The following MCC variants were observed in gnomAD, a reference collection of about 807,000 sequenced individuals.
The protein encoded by MCC is MCC regulator of Wnt signaling pathway, also known as colorectal mutant cancer protein.
In MCC, 90 loss-of-function variants were observed where a neutral mutation model predicts 116.2. That is an observed-to-expected ratio of 0.77 (90% CI 0.65 to 0.92). The LOEUF (loss-of-function observed/expected upper bound fraction) is 0.92. Among genes scored for constraint, MCC ranks in the 40% least tolerant of loss-of-function variants. The pLI is 0.00. For synonymous variants in MCC, 578 were observed against 510.5 expected (o/e 1.13, Z -1.78); for missense variants, 1,516 against 1,312.2 (o/e 1.16, Z -2.40).
At chr5:113,251,621 G>A (rs1156548048) in intron 3 of MCC, among the ~76,000 whole-genome samples, 1 of 152,200 alleles carries the variant, frequency 6.6e-6, no homozygotes, top group Non-Finnish European at 1.5e-5. Context: ...CATTACCACA[G>A]TGAGGAAGAC....
intron 1 of MCC, among the ~76,000 whole-genome samples, chr5:113,403,322 T>C (rs1769744603): frequency 6.6e-6 from 1 of 152,146 alleles, no homozygotes; most frequent in African/African-American, 2.4e-5. Context: ...TCAGTATTCG[T>C]AAACACTGTA....
chr5:113,136,731 A>AAG (rs1425288053), intron 5 of MCC, among the ~76,000 whole-genome samples: 2 of 152,124 alleles, frequency 1.3e-5, no homozygotes, highest in African/African-American at 2.4e-5. Context: ...TCAGTTCTAG[A>AAG]AGTTTTTTGT....
intron 2 of MCC, among the ~76,000 whole-genome samples, chr5:113,371,917 C>T (rs955755286): frequency 2.0e-5 from 3 of 152,212 alleles, no homozygotes; most frequent in Admixed American, 2.0e-4. Flanking sequence ...TTTCTGTAAG[C>T]AGACTGAGCC....
intron 3 of MCC, among the ~76,000 whole-genome samples, chr5:113,263,069 A>G (rs1372882154): frequency 6.6e-6 from 1 of 152,208 alleles, no homozygotes; most frequent in Non-Finnish European, 1.5e-5. Flanking sequence ...CTGGCAGAGA[A>G]AGGCTGATAA....
At position 113,024,058 on chromosome 5, in the gene MCC, C is replaced by T. The variant is rs574933805; in HGVS notation, c.*3244G>A. 10 of 152,274 alleles carry T rather than the reference C, an allele frequency of 6.6e-5. No individual in the cohort carries two copies. Among genetic ancestry groups the T allele is most frequent in the African/African-American group, 2.2e-4 (9 of 41,536 alleles). The allele number at this position is 152,274 out of a possible 1,614,324, so 9.4% of individuals were successfully genotyped here. On this transcript the variant is annotated 3_prime_UTR_variant, in exon 19 of 19. Coordinates refer to ENST00000408903, the MANE Select transcript of MCC (RefSeq NM_001085377.2). Reference sequence around the variant, plus strand: ...TAGAGTGGTAACTTTCTTTACTACTCCTTAACAGCTTTTAAGAAAAAGCCT... The same window carrying T: ...TAGAGTGGTAACTTTCTTTACTACTTCTTAACAGCTTTTAAGAAAAAGCCT...
intron 3 of MCC, among the ~76,000 whole-genome samples, chr5:113,169,363 C>G (rs1239239959): frequency 6.6e-6 from 1 of 152,166 alleles, no homozygotes; most frequent in Non-Finnish European, 1.5e-5. Context: ...AGACTTTCCT[C>G]TGCAGGACCA....
At chr5:113,288,749 T>C (rs1766358339) in intron 3 of MCC, among the ~76,000 whole-genome samples, 1 of 152,224 alleles carries the variant, frequency 6.6e-6, no homozygotes, top group Non-Finnish European at 1.5e-5. Flanking sequence ...AATGTACACA[T>C]GGATTCCTCT....
intron 2 of MCC, among the ~76,000 whole-genome samples, chr5:113,376,704 A>AT (rs1561543524): frequency 6.6e-6 from 1 of 151,760 alleles, no homozygotes; most frequent in Non-Finnish European, 1.5e-5. Flanking sequence ...GGCATCTGTT[A>AT]TTTTTCCCTG....
chr5:113,341,591 C>G (rs1768013610), intron 2 of MCC, among the ~76,000 whole-genome samples: 2 of 152,168 alleles, frequency 1.3e-5, no homozygotes, highest in South Asian at 2.1e-4. Flanking sequence ...AGAATATGAA[C>G]AGAAATGATA....
chr5:113,164,222 G>A (rs559856355), intron 3 of MCC, among the ~76,000 whole-genome samples: 13 of 152,304 alleles, frequency 8.5e-5, no homozygotes, highest in African/African-American at 2.6e-4. Flanking sequence ...TGGTCACTAT[G>A]TCTATGTGCT....
At chr5:113,486,470 A>G (rs1471666077) in intron 1 of MCC, among the ~76,000 whole-genome samples, 2 of 152,222 alleles carry the variant, frequency 1.3e-5, no homozygotes, top group Non-Finnish European at 2.9e-5. Context: ...AGATAAAGCA[A>G]TATATTAATA....
chr5:113,309,867 G>A (rs1162563260), intron 3 of MCC, among the ~76,000 whole-genome samples: 2 of 111,506 alleles, frequency 1.8e-5, no homozygotes, highest in South Asian at 2.7e-4. Flanking sequence ...CCTCCCTCTC[G>A]CCCTTCCCCC....
chr5:113,278,092 C>G (rs1765895715), intron 3 of MCC, among the ~76,000 whole-genome samples: 1 of 152,240 alleles, frequency 6.6e-6, no homozygotes, highest in Non-Finnish European at 1.5e-5. Flanking sequence ...AAGCCATCTT[C>G]CAGCTCCAAC....
intron 8 of MCC, among the ~76,000 whole-genome samples, chr5:113,094,550 A>C (rs935290951): frequency 6.6e-6 from 1 of 151,374 alleles, no homozygotes; most frequent in Non-Finnish European, 1.5e-5. Context: ...CCTCCCAAGC[A>C]GCTAGAATTA....
chr5:113,462,104 G>A (rs960207963), intron 1 of MCC, among the ~76,000 whole-genome samples: 3 of 152,178 alleles, frequency 2.0e-5, no homozygotes, highest in Non-Finnish European at 4.4e-5. Context: ...TTTTAAAAAT[G>A]GTATTTTCTT....
At chr5:113,332,234 G>A (rs1034634389) in intron 3 of MCC, among the ~76,000 whole-genome samples, 7 of 150,002 alleles carry the variant, frequency 4.7e-5, no homozygotes, top group Non-Finnish European at 8.8e-5. Context: ...AGGCTAGGGT[G>A]CAGGCATGAT....
chr5:113,325,584 G>A (rs1767532897), intron 3 of MCC, among the ~76,000 whole-genome samples: 1 of 151,434 alleles, frequency 6.6e-6, no homozygotes, highest in African/African-American at 2.4e-5. Context: ...AGTGCTGTGG[G>A]CTCAGAGAAA....
intron 5 of MCC, among the ~76,000 whole-genome samples, chr5:113,138,772 T>C (rs1453752783): frequency 2.0e-5 from 3 of 152,170 alleles, no homozygotes; most frequent in East Asian, 3.9e-4. Flanking sequence ...CCTAAGAATA[T>C]GGTTCTCTCT....
At chr5:113,154,336 T>A (rs1330052508) in intron 3 of MCC, among the ~76,000 whole-genome samples, 1 of 152,262 alleles carries the variant, frequency 6.6e-6, no homozygotes, top group African/African-American at 2.4e-5. Flanking sequence ...TTACTGTTAC[T>A]GACAATTACT....
Sources: gnomAD v4.1 joint callset for allele counts (sites outside exome capture counted in the v4.1 genomes callset) on GRCh38, gnomAD v4.1.1 for gene constraint, MANE v1.5 for transcripts, NCBI Gene and HGNC (gene_info 2026-07-23, HGNC 2026-07-21) for gene names.